CCDC85C: variants seen among roughly 807,000 people sequenced by gnomAD.
CCDC85C encodes the protein coiled-coil domain-containing protein 85C.
CCDC85C carries 18 observed loss-of-function variants against 38.3 expected under a neutral mutation model. The observed-to-expected ratio is 0.47, with a 90% CI of 0.33 to 0.70. The LOEUF is 0.70. Among genes scored for constraint, CCDC85C ranks in the 30% least tolerant of loss-of-function variants. The probability of loss-of-function intolerance (pLI) is 0.03; values close to 1 mark genes in which losing one functional copy is unlikely to be tolerated. For synonymous variants in CCDC85C, 264 were observed against 293.8 expected, an observed-to-expected ratio of 0.90 and a Z score of 1.04; for missense variants, 566 against 621.2, an observed-to-expected ratio of 0.91 and a Z score of 0.94.
intron 2 of CCDC85C, among the ~76,000 whole-genome samples, chr14:99,524,430 C>T (rs1388642699): frequency 6.6e-6 from 1 of 152,198 alleles, no homozygotes; most frequent in Non-Finnish European, 1.5e-5. Context: ...CGTCCCCTCC[C>T]CTCCCCCAGA....
At position 99,548,636 on chromosome 14, in the gene CCDC85C, A is replaced by G. The variant is rs1228453799; in HGVS notation, c.794-12548T>C. On this transcript the variant is annotated intron_variant, in intron 1 of 5. Coordinates refer to ENST00000380243, the MANE Select transcript of CCDC85C (RefSeq NM_001144995.2). The surrounding 1 kb of genome is among the most constrained non-coding windows in gnomAD (Gnocchi z 4.9). ...CAGACAAATTGTCGTTTAACCCAAC[A>G]ATGAAATACTGTAGCGAGATAAAAA... Among the ~76,000 whole-genome samples the G allele has an allele frequency of 6.6e-6, 1 of 152,016 alleles. No individual in the cohort carries two copies. Among genetic ancestry groups the G allele is most frequent in the African/African-American group, 2.4e-5 (1 of 41,352 alleles).
chr14:99,568,246 C>CTTGCCCTTTTT (rs1555370978), intron 1 of CCDC85C, among the ~76,000 whole-genome samples: 6 of 114,486 alleles, frequency 5.2e-5, no homozygotes, highest in African/African-American at 2.3e-4. Context: ...GCCACCTGCC[C>CTTGCCCTTTTT]TTTATTTTTT....
At position 99,524,425 on chromosome 14, in the gene CCDC85C, C is replaced by A. The variant is rs954253452; in HGVS notation, c.868-2185G>T. ...AAAACGCAGGTTTGTGCTGCCGTCC[C>A]CTCCCCTCCCCCAGATAATTTCCCT... On this transcript the variant is annotated intron_variant, in intron 2 of 5. Transcript: ENST00000380243. 2.6e-5 allele frequency among the ~76,000 whole-genome samples: 4 copies of A among 152,182 alleles called. No homozygotes were observed. The East Asian group carries it at 7.8e-4, about 30-fold the overall frequency.
intron 1 of CCDC85C, among the ~76,000 whole-genome samples, chr14:99,581,397 A>T (rs1332458837): frequency 6.6e-6 from 1 of 152,206 alleles, no homozygotes; most frequent in Non-Finnish European, 1.5e-5. Context: ...TGGAAGTTCT[A>T]TCTTCCAGGA....
At chr14:99,555,136 C>G (rs10147463) in intron 1 of CCDC85C, among the ~76,000 whole-genome samples, 15 of 151,762 alleles carry the variant, frequency 9.9e-5, no homozygotes, top group Non-Finnish European at 4.4e-5. Flanking sequence ...GTGAGGCGGG[C>G]GGGACAGGGA....
intron 1 of CCDC85C, among the ~76,000 whole-genome samples, chr14:99,570,299 A>T (rs1334116354): frequency 6.6e-6 from 1 of 152,220 alleles, no homozygotes; most frequent in African/African-American, 2.4e-5. Flanking sequence ...GGCCACTGTG[A>T]GCCAGGCCCT....
Position 99,509,622 on chromosome 14 carries a change from G to T in CCDC85C, c.*5624C>A, listed in dbSNP as rs1897069440. 6.2e-6 allele frequency: 1 copy of T among 162,472 alleles called. No individual in the cohort carries two copies. The highest frequency in any genetic ancestry group is 2.4e-5 in the African/African-American group (1 of 41,286). 10.1% of individuals were successfully genotyped at this position (162,472 alleles called of 1,614,324 possible). The stretch of plus-strand genomic sequence containing the variant: ...AGAGCACACAGTGGGGTTTGATGTA[G>T]CCTCTCTTGAGTAGAATAGAACCTG... On this transcript the variant is annotated 3_prime_UTR_variant, in exon 6 of 6. Coordinates refer to ENST00000380243, the MANE Select transcript of CCDC85C (RefSeq NM_001144995.2).
chr14:99,541,457 G>A (rs1346405887), intron 1 of CCDC85C, among the ~76,000 whole-genome samples: 1 of 152,214 alleles, frequency 6.6e-6, no homozygotes, highest in Non-Finnish European at 1.5e-5. Context: ...CTCAGGTTGG[G>A]TGCAGACTGA....
At position 99,603,454 on chromosome 14, in the gene CCDC85C, C is replaced by T; in HGVS notation, c.506G>A (p.Gly169Asp). The change falls in exon 1 of 6, where the codon GGC becomes GAC. Residue 169 changes from glycine to aspartate, a missense_variant. By Grantham distance (94) the Gly-to-Asp change is moderately conservative (BLOSUM62 -1). This residue lies in a region of CCDC85C where 269 missense variants were observed against 308.2 expected (regional missense o/e 0.87). Coordinates refer to ENST00000380243, the MANE Select transcript of CCDC85C (RefSeq NM_001144995.2). This position sits in a 1 kb window ranked among gnomAD's most constrained non-coding sequence, Gnocchi z 7.5. ...AATGAASGGG[G>D]GGGGAGSRSS... is the part of the protein sequence containing the mutation. ...GCGGGAGCCGGCGCCGCCCCCGCCG[C>T]CGCCGCCACCGCTTGCGGCCCCCGT... is the stretch of plus-strand genomic sequence containing the variant. The T allele has an allele frequency of 7.8e-7, 1 of 1,276,364 alleles. No individual in the cohort carries two copies. Among genetic ancestry groups the T allele is most frequent in the Non-Finnish European group, 9.8e-7 (1 of 1,016,040 alleles). The allele number at this position is 1,276,364 out of a possible 1,614,324, so 79.1% of individuals were successfully genotyped here.
At position 99,532,371 on chromosome 14, in the gene CCDC85C, C is replaced by G. The variant is rs112014799; in HGVS notation, c.867+3644G>C. On this transcript the variant is annotated intron_variant, in intron 2 of 5. Transcript: ENST00000380243. ...CTGCCACGAGCTCTCTTCACCTCCC[C>G]TATCCTCCAGGGGCCTCTCTGTGCA... Among the ~76,000 whole-genome samples, 1,019 of 152,362 alleles carry G rather than the reference C, an allele frequency of 6.7e-3. 9 individuals are homozygous for G. Among genetic ancestry groups the G allele is most frequent in the African/African-American group, 0.023 (963 of 41,598 alleles).
At position 99,505,303 on chromosome 14, in the gene CCDC85C, A is replaced by C. The variant is rs989302175; in HGVS notation, c.*9943T>G. On this transcript the variant is annotated 3_prime_UTR_variant, in exon 6 of 6. Coordinates refer to ENST00000380243, the MANE Select transcript of CCDC85C (RefSeq NM_001144995.2). Reference sequence around the variant, plus strand: ...GGCAGATCCGGAGGAAGCTTTATAGAGGAACTCAGCTGCACTGTGCCATGC... The same window carrying C: ...GGCAGATCCGGAGGAAGCTTTATAGCGGAACTCAGCTGCACTGTGCCATGC... 1.3e-5 allele frequency: 2 copies of C among 152,242 alleles called. No individual in the cohort carries two copies. Among genetic ancestry groups the C allele is most frequent in the African/African-American group, 4.8e-5 (2 of 41,438 alleles). The allele number at this position is 152,242 out of a possible 1,614,324, so 9.4% of individuals were successfully genotyped here. A position where few individuals can be genotyped will look rare whatever the true frequency, so the allele number is the denominator to read the frequency against.
intron 1 of CCDC85C, among the ~76,000 whole-genome samples, chr14:99,595,243 C>T (rs1475881142): frequency 3.5e-5 from 5 of 141,694 alleles, no homozygotes; most frequent in South Asian, 2.2e-4. Context: ...GTTTTGGTTT[C>T]GTTTGGTTTT....
chr14:99,567,403 A>C (rs114462552), intron 1 of CCDC85C, among the ~76,000 whole-genome samples: 1 of 152,162 alleles, frequency 6.6e-6, no homozygotes, highest in Non-Finnish European at 1.5e-5. Context: ...CAGGGGAGGC[A>C]TGGTGGTGCC....
intron 1 of CCDC85C, among the ~76,000 whole-genome samples, chr14:99,597,276 T>G (rs568876005): frequency 6.6e-6 from 1 of 152,254 alleles, no homozygotes; most frequent in Admixed American, 6.5e-5. Flanking sequence ...ACGCTTCCCT[T>G]CCTCCTGAAG....
chr14:99,573,307 G>T (rs1898397866), intron 1 of CCDC85C, among the ~76,000 whole-genome samples: 1 of 152,182 alleles, frequency 6.6e-6, no homozygotes, highest in Admixed American at 6.5e-5. Context: ...GGCTCTGCCT[G>T]GTGCATGGGT....
At position 99,533,980 on chromosome 14, in the gene CCDC85C, G is replaced by A. The variant is rs1897542231; in HGVS notation, c.867+2035C>T. The stretch of plus-strand genomic sequence containing the variant: ...GACACTGTGGCCTGCAGGGGCCAAG[G>A]GATCAGGGACACTCCTGTCCTTATG... On this transcript the variant is annotated intron_variant, in intron 2 of 5. Transcript: ENST00000380243. The surrounding 1 kb of genome is among the most constrained non-coding windows in gnomAD (Gnocchi z 4.2). 6.6e-6 allele frequency among the ~76,000 whole-genome samples: 1 copy of A among 152,232 alleles called. No homozygotes were observed. Among genetic ancestry groups the A allele is most frequent in the Non-Finnish European group, 1.5e-5 (1 of 68,036 alleles).
rs1171380041 is a variant in CCDC85C, at chr14:99,500,744, A to T, written c.*14502T>A. On this transcript the variant is annotated 3_prime_UTR_variant, in exon 6 of 6. Coordinates refer to ENST00000380243, the MANE Select transcript of CCDC85C (RefSeq NM_001144995.2). ...GACCTGCAATTGTAATTACTGTCCT[A>T]ACATTTGTGATTGATTTTTAGGAGG... The T allele has an allele frequency of 1.4e-6, 2 of 1,439,470 alleles. No homozygotes were observed. Among genetic ancestry groups the T allele is most frequent in the Admixed American group, 3.9e-5 (2 of 50,972 alleles). The allele number at this position is 1,439,470 out of a possible 1,614,324, so 89.2% of individuals were successfully genotyped here.
Position 99,516,306 on chromosome 14 carries a change from G to A in CCDC85C, c.1072-20C>T. On this transcript the variant is annotated intron_variant, in intron 4 of 5. Coordinates refer to ENST00000380243, the MANE Select transcript of CCDC85C (RefSeq NM_001144995.2). This position sits in a 1 kb window ranked among gnomAD's most constrained non-coding sequence, Gnocchi z 5.5. ...CAGGACCTGAAGGGAACGGGTCTCG[G>A]GGTCAGGGGCAGAGGCCACCGGCAG... 6.5e-7 allele frequency: 1 copy of A among 1,537,508 alleles called. No individual in the cohort carries two copies. The highest frequency in any genetic ancestry group is 8.8e-7 in the Non-Finnish European group (1 of 1,134,934).
At chr14:99,600,754 C>T (rs1378005848) in intron 1 of CCDC85C, among the ~76,000 whole-genome samples, 1 of 152,242 alleles carries the variant, frequency 6.6e-6, no homozygotes, top group Non-Finnish European at 1.5e-5. Flanking sequence ...ACACATAAGG[C>T]GCAAGCCTGG....
Sources: allele counts gnomAD v4.1 joint callset (sites outside exome capture counted in the v4.1 genomes callset), GRCh38; gene constraint gnomAD v4.1.1; regional missense constraint gnomAD v4.1.1; non-coding constraint Gnocchi (gnomAD v3.1); transcripts MANE v1.5; gene names NCBI Gene and HGNC (gene_info 2026-07-23, HGNC 2026-07-21).